The following CFAP58 variants were observed in gnomAD, a reference collection of about 807,000 sequenced individuals.
CFAP58 encodes the protein cilia- and flagella-associated protein 58.
A neutral mutation model predicts 119.5 loss-of-function variants in CFAP58; 88 were observed. The ratio of observed to expected loss-of-function variants is 0.74; its 90% CI spans 0.62 to 0.88. The LOEUF is 0.88. Ranked by LOEUF, CFAP58 falls within the 40% of genes least tolerant of loss-of-function variation. The probability of loss-of-function intolerance (pLI) is 0.00; values close to 1 mark genes in which losing one functional copy is unlikely to be tolerated. For missense variants in CFAP58, 990 were observed against 1,021.2 expected, an observed-to-expected ratio of 0.97 and a Z score of 0.42; for synonymous variants, 365 against 366.3, an observed-to-expected ratio of 1.00 and a Z score of 0.04.
chr10:104,371,559 A>G (rs2014824062), intron 7 of CFAP58, among the ~76,000 whole-genome samples: 1 of 152,174 alleles, frequency 6.6e-6, no homozygotes, highest in Admixed American at 6.5e-5. Flanking sequence ...TGTGAAGGGA[A>G]AATTTAAGTG....
chr10:104,368,011 G>A (rs34125478), intron 5 of CFAP58, among the ~76,000 whole-genome samples: 5,354 of 152,330 alleles, frequency 0.035, 133 homozygotes, highest in South Asian at 0.079. Flanking sequence ...TGTTAATGCA[G>A]GATTTGCTTC....
rs562547793 is a variant in CFAP58, at chr10:104,423,592, A to G, written c.2256+16799A>G. Among the ~76,000 whole-genome samples the G allele has an allele frequency of 8.5e-5, 13 of 152,212 alleles. No homozygotes were observed. In the East Asian group the frequency reaches 2.1e-3, roughly 25 times the overall value. On this transcript the variant is annotated intron_variant, in intron 15 of 17. Coordinates refer to ENST00000369704, the MANE Select transcript of CFAP58 (RefSeq NM_001008723.2). ...TAACAATAACATGGCCAATAACTGA[A>G]AAAGGAAATAAGTAGATTACTTAGA...
the CFAP58 span, among the ~76,000 whole-genome samples, chr10:104,348,245 C>T: frequency 6.6e-6 from 1 of 152,152 alleles, no homozygotes; most frequent in African/African-American, 2.4e-5. Context: ...TGACAGAGGT[C>T]GATTTCTGTC....
the CFAP58 span, among the ~76,000 whole-genome samples, chr10:104,346,385 T>C: frequency 6.6e-6 from 1 of 151,996 alleles, no homozygotes; most frequent in Non-Finnish European, 1.5e-5. Context: ...TCTTGCTCTG[T>C]CACCTAGGCT....
intron 8 of CFAP58, among the ~76,000 whole-genome samples, chr10:104,377,429 G>A (rs2011693490): frequency 6.6e-6 from 1 of 152,160 alleles, no homozygotes; most frequent in Non-Finnish European, 1.5e-5. Context: ...GAGGGGTTAC[G>A]GCAGCTTGAA....
At chr10:104,426,230 C>A (rs1459355926) in intron 15 of CFAP58, among the ~76,000 whole-genome samples, 1 of 151,998 alleles carries the variant, frequency 6.6e-6, no homozygotes, top group African/African-American at 2.4e-5. Context: ...CAGAGTGAGA[C>A]CCATCTGAAA....
chr10:104,351,900 G>C (rs1316656132), upstream of CFAP58: 1 of 152,152 alleles, frequency 6.6e-6, no homozygotes, highest in African/African-American at 2.4e-5. Flanking sequence ...TTCTAAAGCA[G>C]ATTGATGTCC....
intron 7 of CFAP58, among the ~76,000 whole-genome samples, chr10:104,376,389 C>T (rs1274749407): frequency 6.6e-6 from 1 of 151,112 alleles, no homozygotes; most frequent in Non-Finnish European, 1.5e-5. Context: ...CCTGTAGTCC[C>T]AGCTGCTCGA....
chr10:104,431,767 C>T (rs2133079810), intron 15 of CFAP58, among the ~76,000 whole-genome samples: 1 of 152,218 alleles, frequency 6.6e-6, no homozygotes, highest in East Asian at 1.9e-4. Flanking sequence ...GCTTTTACTG[C>T]AAATAGATGC....
intron 5 of CFAP58, among the ~76,000 whole-genome samples, 172 bp from the exon 6 acceptor site, chr10:104,368,251 A>G (rs967023199): frequency 1.3e-5 from 2 of 152,222 alleles, no homozygotes; most frequent in African/African-American, 2.4e-5. Context: ...TTTAACATTC[A>G]TCATATTTGA....
chr10:104,393,612 C>A (rs1433588473), intron 11 of CFAP58, 137 bp downstream of exon 11: 9 of 724,978 alleles, frequency 1.2e-5, no homozygotes, highest in South Asian at 1.0e-4. Flanking sequence ...TTACCCAAAC[C>A]AAGCACACAA....
In CFAP58 at chr10:104,404,007, G is replaced by C. The variant is rs1439471329; in HGVS notation, c.2151+167G>C. ...TGTAAATTGAGTTTTCTCAGAACCA[G>C]ATGGTTCATTTGGGTTTTGTTTTAA... On this transcript the variant is annotated intron_variant, in intron 14 of 17. Transcript: ENST00000369704. Among the ~76,000 whole-genome samples, 6 of 152,230 alleles carry C rather than the reference G, an allele frequency of 3.9e-5. No individual in the cohort carries two copies. The South Asian group carries it at 1.2e-3, about 31-fold the overall frequency.
the CFAP58 span, among the ~76,000 whole-genome samples, chr10:104,346,633 CTTTTT>C: frequency 2.2e-3 from 220 of 101,116 alleles, 5 homozygotes; most frequent in African/African-American, 8.4e-3. Flanking sequence ...GCCATTTAGT[CTTTTT>C]TTTTTTTTTT....
At position 104,357,946 on chromosome 10, in the gene CFAP58, CACAT is replaced by C. The variant is rs2014598603; in HGVS notation, c.10-393_10-390del. Among the ~76,000 whole-genome samples the C allele has an allele frequency of 3.9e-5, 3 of 77,870 alleles. No individual in the cohort carries two copies. The South Asian group carries it at 9.6e-4, about 25-fold the overall frequency. The allele number at this position is 77,870 out of a possible 152,430, so 51.1% of individuals were successfully genotyped here. On this transcript the variant is annotated intron_variant, in intron 1 of 17. Coordinates refer to ENST00000369704, the MANE Select transcript of CFAP58 (RefSeq NM_001008723.2). ...GTACACATATACACACATATATGTA[CACAT>C]ATATACACATATATGTACACATATG...
intron 14 of CFAP58, 109 bp from the exon 15 acceptor site, chr10:104,406,580 T>A: frequency 2.5e-6 from 2 of 800,794 alleles, no homozygotes; most frequent in Admixed American, 2.2e-5. Context: ...CTGTATTAGG[T>A]CTGCAGGTTT....
At chr10:104,449,623 A>G (rs2013163875) in intron 16 of CFAP58, among the ~76,000 whole-genome samples, 1 of 152,234 alleles carries the variant, frequency 6.6e-6, no homozygotes, top group African/African-American at 2.4e-5. Context: ...CAGTGATGGC[A>G]GGATGACTTC....
In CFAP58 at chr10:104,445,337, C is replaced by A. The variant is rs1331287856; in HGVS notation, c.2257-2361C>A. On this transcript the variant is annotated intron_variant, in intron 15 of 17. Coordinates refer to ENST00000369704, the MANE Select transcript of CFAP58 (RefSeq NM_001008723.2). ...GACCCGGTCTCAAAAAAAAAAAAAA[C>A]AACAACAACAACAAAAAACAAACCA... is the stretch of plus-strand genomic sequence containing the variant. Among the ~76,000 whole-genome samples, 166 of 125,568 alleles carry A rather than the reference C, an allele frequency of 1.3e-3. 1 individual carries two copies. The highest frequency in any genetic ancestry group is 3.2e-3 in the African/African-American group (116 of 36,794). The allele number at this position is 125,568 out of a possible 152,430, so 82.4% of individuals were successfully genotyped here.
chr10:104,448,152 G>A (rs2013139657), intron 16 of CFAP58, among the ~76,000 whole-genome samples: 1 of 152,210 alleles, frequency 6.6e-6, no homozygotes, highest in Non-Finnish European at 1.5e-5. Context: ...GCAGGGAGGA[G>A]CAAAGGAAAT....
the CFAP58 span, among the ~76,000 whole-genome samples, chr10:104,346,235 G>A: frequency 2.2e-4 from 34 of 152,166 alleles, no homozygotes; most frequent in East Asian, 6.0e-3. Context: ...AGCCATTCAT[G>A]AGGGATCTAC....
Sources: gnomAD v4.1 joint callset for allele counts (sites outside exome capture counted in the v4.1 genomes callset) on GRCh38, gnomAD v4.1.1 for gene constraint, MANE v1.5 for transcripts, NCBI Gene and HGNC (gene_info 2026-07-23, HGNC 2026-07-21) for gene names.